ATG16L1: variants seen among roughly 807,000 people sequenced by gnomAD.
The protein encoded by ATG16L1 is autophagy related 16 like 1.
Under a neutral mutation model 88.5 loss-of-function variants are expected in ATG16L1, and 37 were observed. The observed-to-expected ratio is 0.42, with a 90% CI of 0.32 to 0.55. ATG16L1 has a LOEUF of 0.55. Among genes scored for constraint, ATG16L1 ranks in the 20% least tolerant of loss-of-function variants. The probability of loss-of-function intolerance (pLI) is 0.13; values close to 1 mark genes in which losing one functional copy is unlikely to be tolerated. For synonymous variants in ATG16L1, 301 were observed against 281.0 expected (o/e 1.07, Z -0.71); for missense variants, 554 against 752.8 (o/e 0.74, Z 3.09).
At chr2:233,255,637 T>G (rs1696726183) in intron 1 of ATG16L1, among the ~76,000 whole-genome samples, 1 of 152,228 alleles carries the variant, frequency 6.6e-6, no homozygotes, top group South Asian at 2.1e-4. Flanking sequence ...CATCATCTTC[T>G]TTTAAGACTT....
intron 1 of ATG16L1, among the ~76,000 whole-genome samples, chr2:233,252,687 C>T (rs923982029): frequency 7.2e-5 from 11 of 151,872 alleles, no homozygotes; most frequent in African/African-American, 2.7e-4. Flanking sequence ...CGAGCCCGGC[C>T]CCACCTTGGT....
Position 233,290,223 on chromosome 2 carries a change from T to C in ATG16L1, c.1325-25T>C, listed in dbSNP as rs772655657. 8.1e-6 allele frequency: 13 copies of C among 1,610,372 alleles called. No homozygotes were observed. In the East Asian group the frequency reaches 2.0e-4, roughly 25 times the overall value. On this transcript the variant is annotated intron_variant, in intron 13 of 17. Coordinates refer to ENST00000392017, the MANE Select transcript of ATG16L1 (RefSeq NM_030803.7). ...CAGCCACGTTGGTGCCTCTGCTTGA[T>C]TAATGATGTTTGCATTTCTTTCAGG...
rs1374044905 is a variant in ATG16L1, at chr2:233,295,369, T to C, written c.*1019T>C. On this transcript the variant is annotated 3_prime_UTR_variant, in exon 18 of 18. Transcript: ENST00000392017. ...TCATTGGGTGTGCGAAACACCCTTT[T>C]TATCACTTTTAAATTTGCACTTTAT... is the stretch of plus-strand genomic sequence containing the variant. The C allele has an allele frequency of 6.5e-6, 1 of 152,836 alleles. No homozygotes were observed. Among genetic ancestry groups the C allele is most frequent in the African/African-American group, 2.4e-5 (1 of 41,468 alleles). The allele number at this position is 152,836 out of a possible 1,614,324, so 9.5% of individuals were successfully genotyped here. A position where few individuals can be genotyped will look rare whatever the true frequency, so the allele number is the denominator to read the frequency against.
intron 12 of ATG16L1, among the ~76,000 whole-genome samples, chr2:233,283,471 A>AT (rs10664510): frequency 2.6e-5 from 4 of 151,090 alleles, no homozygotes; most frequent in African/African-American, 9.7e-5. Context: ...AAAAAAAAAA[A>AT]TTTTTTTTTA....
chr2:233,294,269 T>C lies in ATG16L1; in HGVS notation c.1743T>C (p.Asn581=). The change falls in exon 18 of 18, where the codon AAT becomes AAC. Residue 581 remains asparagine, a synonymous_variant. Coordinates refer to ENST00000392017, the MANE Select transcript of ATG16L1 (RefSeq NM_030803.7). The stretch of plus-strand genomic sequence containing the variant: ...CTCTCCTTTGAAGCTCATCCATCAA[T>C]GCGGTGGCGTGGTCGCCCTCTGGCT... The part of the protein sequence containing the change: ...VLSKQHSSSI[N]AVAWSPSGSH... 3.1e-6 allele frequency: 5 copies of C among 1,606,524 alleles called. No homozygotes were observed. Among genetic ancestry groups the C allele is most frequent in the South Asian group, 2.2e-5 (2 of 89,840 alleles).
chr2:233,259,655 A>C (rs1364850903), intron 2 of ATG16L1, among the ~76,000 whole-genome samples: 1 of 152,198 alleles, frequency 6.6e-6, no homozygotes, highest in African/African-American at 2.4e-5. Flanking sequence ...CATTTCCACA[A>C]ACATTATCCA....
chr2:233,256,076 A>G (rs1166336967), intron 1 of ATG16L1, 26 bp from the exon 2 acceptor site: 2 of 1,580,628 alleles, frequency 1.3e-6, no homozygotes, highest in Non-Finnish European at 8.7e-7. Flanking sequence ...TAAATAACTT[A>G]GTTTCTGACT....
At chr2:233,289,527 A>T (rs1358003819) in intron 12 of ATG16L1, among the ~76,000 whole-genome samples, 2 of 152,040 alleles carry the variant, frequency 1.3e-5, no homozygotes, top group Non-Finnish European at 2.9e-5. Context: ...CTGGGACCCC[A>T]GGCGCATGCC....
intron 1 of ATG16L1, among the ~76,000 whole-genome samples, chr2:233,252,662 A>G (rs1395879168): frequency 1.3e-5 from 2 of 152,040 alleles, no homozygotes; most frequent in African/African-American, 2.4e-5. Context: ...TGCTGGGATT[A>G]TAGGCGTGAG....
intron 11 of ATG16L1, among the ~76,000 whole-genome samples, chr2:233,282,244 C>T: frequency 6.6e-6 from 1 of 152,112 alleles, no homozygotes; most frequent in East Asian, 1.9e-4. Flanking sequence ...GCAGAAGGCC[C>T]AGGTGGGGGC....
intron 10 of ATG16L1, among the ~76,000 whole-genome samples, chr2:233,279,472 G>A (rs1047097347): frequency 2.6e-5 from 4 of 152,216 alleles, no homozygotes; most frequent in East Asian, 1.9e-4. Flanking sequence ...ATAGCAGAAT[G>A]TGTGGCGGCA....
chr2:233,260,929 C>T (rs1697163689), intron 2 of ATG16L1, among the ~76,000 whole-genome samples: 1 of 152,060 alleles, frequency 6.6e-6, no homozygotes. Flanking sequence ...CTCTTTGATA[C>T]ACTTTTGTTT....
intron 5 of ATG16L1, among the ~76,000 whole-genome samples, chr2:233,267,179 T>C (rs572909465): frequency 1.3e-5 from 2 of 152,282 alleles, no homozygotes; most frequent in East Asian, 3.9e-4. Flanking sequence ...TGAAACCCCG[T>C]CTCTAATAAA....
intron 12 of ATG16L1, among the ~76,000 whole-genome samples, chr2:233,285,625 A>G (rs894751520): frequency 6.6e-6 from 1 of 152,144 alleles, no homozygotes; most frequent in Non-Finnish European, 1.5e-5. Flanking sequence ...ATGTGTGAAG[A>G]TTGGGAGGCC....
chr2:233,261,735 T>A (rs1393387841), intron 2 of ATG16L1, among the ~76,000 whole-genome samples: 1 of 152,212 alleles, frequency 6.6e-6, no homozygotes, highest in African/African-American at 2.4e-5. Flanking sequence ...GACAGTGGTT[T>A]CAGCTGCTCA....
intron 10 of ATG16L1, among the ~76,000 whole-genome samples, chr2:233,279,019 A>T (rs1416606037): frequency 6.6e-6 from 1 of 152,180 alleles, no homozygotes; most frequent in African/African-American, 2.4e-5. Context: ...TACAAAAAAA[A>T]TATTAAAAAG....
intron 8 of ATG16L1, 43 bp from the exon 9 acceptor site, chr2:233,274,633 C>A: frequency 6.7e-7 from 1 of 1,487,628 alleles, no homozygotes; most frequent in Non-Finnish European, 9.3e-7. Context: ...AGCAGTAAAC[C>A]TCTGCAATCC....
In ATG16L1 at chr2:233,290,295, A is replaced by C. The variant is rs1177722550; in HGVS notation, c.1372A>C (p.Thr458Pro). ...ATCCAGTTGCAATGATATTGTCTGC[A>C]CAGAGCAATGTGTAATGAGTGGACA... ...AGSSCNDIVC[T>P]EQCVMSGHFD... is the part of the protein sequence containing the mutation. The change falls in exon 14 of 18, where the codon ACA (threonine) becomes CCA (proline). Residue 458 changes from threonine to proline, a missense_variant. Physicochemically the swap from Thr to Pro is conservative, Grantham distance 38. Around this residue, in one of 5 missense-constraint regions of ATG16L1, gnomAD observed 370 missense variants for 509.7 expected, o/e 0.73. Coordinates refer to ENST00000392017, the MANE Select transcript of ATG16L1 (RefSeq NM_030803.7). The C allele has an allele frequency of 6.2e-7, 1 of 1,614,120 alleles. No individual in the cohort carries two copies. The highest frequency in any genetic ancestry group is 8.5e-7 in the Non-Finnish European group (1 of 1,180,056).
At chr2:233,260,619 T>C (rs1193357349) in intron 2 of ATG16L1, among the ~76,000 whole-genome samples, 1 of 152,202 alleles carries the variant, frequency 6.6e-6, no homozygotes, top group African/African-American at 2.4e-5. Flanking sequence ...CGAAGCACTT[T>C]AGGGGGCTGA....
Sources: allele counts gnomAD v4.1 joint callset (sites outside exome capture counted in the v4.1 genomes callset), GRCh38; gene constraint gnomAD v4.1.1; regional missense constraint gnomAD v4.1.1; transcripts MANE v1.5; gene names NCBI Gene and HGNC (gene_info 2026-07-23, HGNC 2026-07-21).